CSMD2: variants seen among roughly 807,000 people sequenced by gnomAD.
CSMD2 encodes the protein CUB and sushi domain-containing protein 2.
Under a neutral mutation model 398.5 loss-of-function variants are expected in CSMD2, and 130 were observed. The observed-to-expected ratio is 0.33, with a 90% CI of 0.28 to 0.38. The LOEUF is 0.38. Among genes scored for constraint, CSMD2 ranks in the 10% least tolerant of loss-of-function variants. The pLI, the probability that CSMD2 is intolerant of heterozygous loss-of-function variation, is 1.00. For synonymous variants in CSMD2, 1,828 were observed against 1,908.5 expected, an observed-to-expected ratio of 0.96 and a Z score of 1.10; for missense variants, 3,829 against 4,764.9, an observed-to-expected ratio of 0.80 and a Z score of 5.78.
rs2148810036 is a variant in CSMD2 at position 33,602,360 on chromosome 1, C to T, written c.6710+9G>A. Reference sequence around the variant, plus strand: ...TTCTAATTGGCTGTTGACATGGCACCTGGCCTACCAGATGGTGATGAAATC... The same window carrying T: ...TTCTAATTGGCTGTTGACATGGCACTTGGCCTACCAGATGGTGATGAAATC... On this transcript the variant is annotated intron_variant, in intron 43 of 70. Transcript: ENST00000373381. 1 of 1,613,792 alleles carries T rather than the reference C, an allele frequency of 6.2e-7. No individual in the cohort carries two copies. The highest frequency in any genetic ancestry group is 1.3e-5 in the African/African-American group (1 of 75,058).
chr1:34,100,777 G>A (rs751271697), intron 1 of CSMD2, among the ~76,000 whole-genome samples: 1 of 152,142 alleles, frequency 6.6e-6, no homozygotes, highest in Non-Finnish European at 1.5e-5. Flanking sequence ...AATAAGACCT[G>A]GACCCTTAGT....
rs148386093 is a variant in CSMD2 at position 33,693,055 on chromosome 1, G to A, written c.3927C>T (p.Ala1309=). The change falls in exon 25 of 71, where the codon GCC becomes GCT. Residue 1309 remains alanine (A), a splice_region_variant and synonymous_variant. Coordinates refer to ENST00000373381, the MANE Select transcript of CSMD2 (RefSeq NM_001281956.2). ...TWDRPLPTCV[A]ECGGTVRGEV... ...CTCCTCTCACTGTCCCTCCACACTC[G>A]GCTGAAAGAAATCCCAAAAGAGTGA... 3.1e-4 allele frequency: 488 copies of A among 1,590,514 alleles called. No individual in the cohort carries two copies. Among genetic ancestry groups the A allele is most frequent in the Non-Finnish European group, 3.7e-4 (437 of 1,170,896 alleles).
chr1:33,616,948 C>T lies in CSMD2; in HGVS notation c.5974G>A (p.Gly1992Arg). The T allele has an allele frequency of 4.3e-6, 7 of 1,614,098 alleles. No individual in the cohort carries two copies. The highest frequency in any genetic ancestry group is 5.9e-6 in the Non-Finnish European group (7 of 1,180,012). The change falls in exon 39 of 71, where the codon GGA (glycine) becomes AGA (arginine). Residue 1992 changes from glycine (G) to arginine (R), a missense_variant. Physicochemically the swap from Gly to Arg is moderately radical, Grantham distance 125. Coordinates refer to ENST00000373381, the MANE Select transcript of CSMD2 (RefSeq NM_001281956.2). ...QGHAHISCMP[G>R]TVRRWNYPPP... The stretch of plus-strand genomic sequence containing the variant: ...GGGTAGTTCCATCGCCGCACTGTTC[C>T]GGGCATGCAGGAGATGTGGGCGTGG...
intron 3 of CSMD2, among the ~76,000 whole-genome samples, chr1:33,971,071 C>CCATTAT (rs1415114050): frequency 3.3e-5 from 5 of 152,088 alleles, no homozygotes; most frequent in African/African-American, 4.8e-5. Flanking sequence ...ATTACTAGAA[C>CCATTAT]CATTATCATT....
intron 3 of CSMD2, among the ~76,000 whole-genome samples, chr1:34,015,086 C>G (rs1230374806): frequency 6.6e-6 from 1 of 152,238 alleles, no homozygotes; most frequent in Non-Finnish European, 1.5e-5. Flanking sequence ...TATCTTACCC[C>G]TCATTTGAGA....
chr1:33,737,780 A>G (rs1378443605), intron 15 of CSMD2, among the ~76,000 whole-genome samples: 1 of 152,198 alleles, frequency 6.6e-6, no homozygotes, highest in Non-Finnish European at 1.5e-5. Context: ...GTATCAAACA[A>G]CACACCAGCT....
chr1:34,104,244 T>A (rs1024345236), intron 1 of CSMD2, among the ~76,000 whole-genome samples: 3 of 152,234 alleles, frequency 2.0e-5, no homozygotes, highest in Non-Finnish European at 4.4e-5. Context: ...AACCTATTGA[T>A]TTTTATACAT....
intron 52 of CSMD2, 98 bp from the exon 53 acceptor site, chr1:33,567,939 A>G: frequency 7.1e-7 from 1 of 1,406,270 alleles, no homozygotes; most frequent in Non-Finnish European, 9.5e-7. Flanking sequence ...TGACTTCAGG[A>G]ACCCTCAGCA....
At chr1:33,545,938 T>C (rs1384746801) in intron 57 of CSMD2, 99 bp downstream of exon 57, 14 of 1,212,632 alleles carry the variant, frequency 1.2e-5, no homozygotes, top group South Asian at 1.5e-5. Context: ...GGGGCCACGG[T>C]TTTTTTCTGT....
chr1:33,628,371 A>G (rs1457831052), intron 32 of CSMD2, among the ~76,000 whole-genome samples: 2 of 152,074 alleles, frequency 1.3e-5, no homozygotes, highest in African/African-American at 4.8e-5. Context: ...ATTGAAGGAG[A>G]AAAAAAATCA....
At position 33,864,232 on chromosome 1, in the gene CSMD2, C is replaced by G. The variant is rs371723682; in HGVS notation, c.921-17236G>C. 1.4e-5 allele frequency: 23 copies of G among 1,612,216 alleles called. No individual in the cohort carries two copies. In the African/African-American group the frequency reaches 2.5e-4, roughly 18 times the overall value. On this transcript the variant is annotated intron_variant, in intron 5 of 70. Transcript: ENST00000373381. Reference sequence around the variant, plus strand: ...CAGCTAAAGCCTAAGGCAAATGTCTCTTCTTACGTTCACTTTTTGCTGAAT... The same window carrying G: ...CAGCTAAAGCCTAAGGCAAATGTCTGTTCTTACGTTCACTTTTTGCTGAAT...
At chr1:33,700,070 G>C (rs486887) in intron 23 of CSMD2, among the ~76,000 whole-genome samples, 2 of 151,276 alleles carry the variant, frequency 1.3e-5, no homozygotes, top group East Asian at 1.9e-4. Context: ...GTGCAGTGGC[G>C]CAATCTCGGC....
At chr1:33,882,495 T>G (rs543805351) in intron 5 of CSMD2, among the ~76,000 whole-genome samples, 2 of 152,344 alleles carry the variant, frequency 1.3e-5, no homozygotes, top group Admixed American at 6.5e-5. Context: ...TTCTATTGAC[T>G]GTTAATCCTT....
intron 15 of CSMD2, among the ~76,000 whole-genome samples, chr1:33,729,798 C>G (rs1033344291): frequency 9.9e-5 from 15 of 152,090 alleles, no homozygotes. Flanking sequence ...AGGCAAAATC[C>G]AAAGTTTAAT....
chr1:33,584,110 G>T (rs890169094), intron 46 of CSMD2, among the ~76,000 whole-genome samples: 3 of 152,194 alleles, frequency 2.0e-5, no homozygotes. Flanking sequence ...AGTAGGGGAG[G>T]ATGGAACATA....
intron 70 of CSMD2, among the ~76,000 whole-genome samples, chr1:33,517,588 G>A (rs965398439): frequency 6.6e-6 from 1 of 152,100 alleles, no homozygotes; most frequent in Non-Finnish European, 1.5e-5. Flanking sequence ...GTTCTGAGAA[G>A]GAAAAAATAA....
At chr1:33,968,635 C>T (rs2147907893) in intron 3 of CSMD2, among the ~76,000 whole-genome samples, 1 of 152,216 alleles carries the variant, frequency 6.6e-6, no homozygotes, top group East Asian at 1.9e-4. Flanking sequence ...CTGACATCCA[C>T]CTGTCAGACA....
At chr1:33,917,807 G>C (rs1643802225) in intron 5 of CSMD2, among the ~76,000 whole-genome samples, 1 of 152,130 alleles carries the variant, frequency 6.6e-6, no homozygotes, top group Non-Finnish European at 1.5e-5. Flanking sequence ...CCTGAGACCA[G>C]AACATTTTTA....
At chr1:34,140,128 T>C (rs1639131803) in intron 1 of CSMD2, among the ~76,000 whole-genome samples, 1 of 152,076 alleles carries the variant, frequency 6.6e-6, no homozygotes, top group Non-Finnish European at 1.5e-5. Flanking sequence ...TTGATCAATG[T>C]ATCATGATCA....
Sources: allele counts gnomAD v4.1 joint callset (sites outside exome capture counted in the v4.1 genomes callset), GRCh38; gene constraint gnomAD v4.1.1; transcripts MANE v1.5; gene names NCBI Gene and HGNC (gene_info 2026-07-23, HGNC 2026-07-21).